The following OPCML variants were observed in gnomAD, a reference collection of about 807,000 sequenced individuals.
The protein encoded by OPCML is opioid binding protein/cell adhesion molecule like.
In OPCML, 13 loss-of-function variants were observed where a neutral mutation model predicts 37.8. That is an observed-to-expected ratio of 0.34 (90% CI 0.22 to 0.55). OPCML has a LOEUF of 0.55. Among genes scored for constraint, OPCML ranks in the 20% least tolerant of loss-of-function variants. OPCML has a pLI of 0.91. For missense variants in OPCML, 341 were observed against 435.6 expected (o/e 0.78, Z 1.93); for synonymous variants, 176 against 168.8 (o/e 1.04, Z -0.33).
intron 4 of OPCML, among the ~76,000 whole-genome samples, chr11:132,525,144 T>C (rs768141799): frequency 6.6e-6 from 1 of 152,220 alleles, no homozygotes; most frequent in Non-Finnish European, 1.5e-5. Context: ...TATATCTGTC[T>C]ACTTTTTATA....
At chr11:132,554,746 G>A (rs1591543121) in intron 3 of OPCML, among the ~76,000 whole-genome samples, 1 of 151,920 alleles carries the variant, frequency 6.6e-6, no homozygotes, top group Non-Finnish European at 1.5e-5. Context: ...TACAAAGGAG[G>A]ACCCTATGAA....
At chr11:133,148,238 A>T (rs562030814) in intron 1 of OPCML, among the ~76,000 whole-genome samples, 4 of 152,258 alleles carry the variant, frequency 2.6e-5, no homozygotes, top group Admixed American at 2.6e-4. Context: ...CCTGTGGCCC[A>T]GGTACTGTGA....
At chr11:132,938,778 C>T (rs1426527913) in intron 2 of OPCML, among the ~76,000 whole-genome samples, 1 of 152,120 alleles carries the variant, frequency 6.6e-6, no homozygotes, top group Non-Finnish European at 1.5e-5. Context: ...AAGATGCTTC[C>T]TTGGAAAGCA....
At chr11:133,033,829 C>T (rs559086960) in intron 1 of OPCML, among the ~76,000 whole-genome samples, 1 of 152,280 alleles carries the variant, frequency 6.6e-6, no homozygotes, top group East Asian at 1.9e-4. Flanking sequence ...ATTATGTGGT[C>T]ACGGGTATCA....
chr11:132,534,147 T>C (rs1356664704), intron 3 of OPCML, among the ~76,000 whole-genome samples: 1 of 152,178 alleles, frequency 6.6e-6, no homozygotes, highest in Non-Finnish European at 1.5e-5. Context: ...GTAATTTTTT[T>C]TTCTGGGCTC....
rs543805552 is a variant in OPCML, at chr11:133,057,010, A to G, written c.62-114000T>C. On this transcript the variant is annotated intron_variant, in intron 1 of 7. Transcript: ENST00000524381. ...AGGCATGCACCACCACACCTGGCTA[A>G]TTTTGTATTTTTTAGTAGAGACGGG... 3.4e-3 allele frequency among the ~76,000 whole-genome samples: 524 copies of G among 152,018 alleles called. 3 individuals are homozygous for G. Among genetic ancestry groups the G allele is most frequent in the African/African-American group, 0.012 (500 of 41,464 alleles).
Position 132,709,801 on chromosome 11 carries a change from A to G in OPCML, c.147-52482T>C, listed in dbSNP as rs545936298. On this transcript the variant is annotated intron_variant, in intron 2 of 7. Coordinates refer to ENST00000524381, the MANE Select transcript of OPCML (RefSeq NM_001012393.5). ...AAGGCTTTATGATTTGTTAAAACCAACACAATGATTGATACGCGTCAGAGG... is the reference window on the plus strand; with the variant it reads ...AAGGCTTTATGATTTGTTAAAACCAGCACAATGATTGATACGCGTCAGAGG... Among the ~76,000 whole-genome samples the G allele has an allele frequency of 3.3e-5, 5 of 152,214 alleles. No individual in the cohort carries two copies. In the East Asian group the frequency reaches 7.7e-4, roughly 23 times the overall value.
intron 2 of OPCML, among the ~76,000 whole-genome samples, chr11:132,939,839 A>G (rs888816102): frequency 6.6e-6 from 1 of 152,156 alleles, no homozygotes; most frequent in Admixed American, 6.5e-5. Context: ...TTTCAACCCA[A>G]CAGCAGATAA....
At chr11:132,759,783 G>T (rs145984353) in intron 2 of OPCML, among the ~76,000 whole-genome samples, 1 of 151,904 alleles carries the variant, frequency 6.6e-6, no homozygotes, top group Non-Finnish European at 1.5e-5. Context: ...AGGGTTTTTC[G>T]TGTCTCTATT....
In OPCML at chr11:132,808,991, G is replaced by C. The variant is rs140059753; in HGVS notation, c.146+133935C>G. ...TTTTAAAATTTGGTCGGTGGGGGCG[G>C]GGGGGTTGCTTTTTAAAAGTTTGCT... On this transcript the variant is annotated intron_variant, in intron 2 of 7. Transcript: ENST00000524381. 3.3e-5 allele frequency among the ~76,000 whole-genome samples: 5 copies of C among 150,904 alleles called. No homozygotes were observed. In the East Asian group the frequency reaches 9.7e-4, roughly 29 times the overall value.
chr11:132,735,622 T>C (rs1231282718), intron 2 of OPCML, among the ~76,000 whole-genome samples: 3 of 152,128 alleles, frequency 2.0e-5, no homozygotes, highest in South Asian at 2.1e-4. Context: ...TAGCTGGGAC[T>C]ACAGGCACCC....
At chr11:132,486,664 C>A (rs563587892) in intron 4 of OPCML, among the ~76,000 whole-genome samples, 1 of 151,748 alleles carries the variant, frequency 6.6e-6, no homozygotes, top group East Asian at 1.9e-4. Context: ...TCTTTCTTTT[C>A]TTTTTTTCTT....
intron 1 of OPCML, among the ~76,000 whole-genome samples, chr11:133,233,165 T>C (rs771975365): frequency 7.2e-5 from 11 of 152,168 alleles, no homozygotes; most frequent in Non-Finnish European, 1.6e-4. Context: ...CCAGAGAAAC[T>C]GAGGACCAAA....
chr11:132,589,098 T>C (rs1447492175), intron 3 of OPCML, among the ~76,000 whole-genome samples: 1 of 152,156 alleles, frequency 6.6e-6, no homozygotes, highest in Admixed American at 6.6e-5. Context: ...GAACATAACC[T>C]CCATCAGTTA....
chr11:133,079,589 C>A (rs1473729776), intron 1 of OPCML, among the ~76,000 whole-genome samples: 5 of 152,162 alleles, frequency 3.3e-5, no homozygotes, highest in African/African-American at 1.2e-4. Context: ...GACTGTGACA[C>A]CCTGCAAAGT....
rs192187506 is a variant in OPCML at position 133,115,144 on chromosome 11, T to A, written c.62-172134A>T. On this transcript the variant is annotated intron_variant, in intron 1 of 7. Transcript: ENST00000524381. ...ATATCTGCACCCACTTGTTTGTAAC[T>A]CTTTGATCTACATTCTAGCTCTGAG... is the stretch of plus-strand genomic sequence containing the variant. Among the ~76,000 whole-genome samples, 3 of 152,340 alleles carry A rather than the reference T, an allele frequency of 2.0e-5. No homozygotes were observed. The East Asian group carries it at 5.8e-4, about 29-fold the overall frequency.
chr11:133,025,061 C>T (rs1358482689), intron 1 of OPCML: 1 of 931,958 alleles, frequency 1.1e-6, no homozygotes, highest in East Asian at 1.2e-4. Flanking sequence ...GCTGAGGTAT[C>T]TATGGAGTAT....
At chr11:132,810,739 C>A (rs1939293340) in intron 2 of OPCML, 1 of 152,064 alleles carries the variant, frequency 6.6e-6, no homozygotes, top group Non-Finnish European at 1.5e-5. Flanking sequence ...GAAAATGGAA[C>A]TTAACGGCTG....
chr11:133,348,559 C>T (rs1445569308), intron 1 of OPCML, among the ~76,000 whole-genome samples: 1 of 152,138 alleles, frequency 6.6e-6, no homozygotes, highest in Admixed American at 6.5e-5. Flanking sequence ...AGAAGCCACT[C>T]ACAAATAGAG....
Sources: allele counts gnomAD v4.1 joint callset (sites outside exome capture counted in the v4.1 genomes callset), GRCh38; gene constraint gnomAD v4.1.1; transcripts MANE v1.5; gene names NCBI Gene and HGNC (gene_info 2026-07-23, HGNC 2026-07-21).